Variants in RIMBP2 observed in about 807,000 individuals in gnomAD.
RIMBP2 encodes the protein RIMS-binding protein 2.
A neutral mutation model predicts 118.6 loss-of-function variants in RIMBP2; 48 were observed. The observed-to-expected ratio is 0.40, with a 90% CI of 0.32 to 0.51. The LOEUF is 0.51. Among genes scored for constraint, RIMBP2 ranks in the 20% least tolerant of loss-of-function variants. RIMBP2 has a pLI of 0.41. For synonymous variants in RIMBP2, 762 were observed against 742.9 expected (o/e 1.03, Z -0.42); for missense variants, 1,551 against 1,768.3 (o/e 0.88, Z 2.20).
chr12:130,641,894 T>C (rs1566417372), intron 1 of RIMBP2, among the ~76,000 whole-genome samples: 1 of 152,084 alleles, frequency 6.6e-6, no homozygotes, highest in Non-Finnish European at 1.5e-5. Flanking sequence ...CATCCGAGGA[T>C]GGGGTCATAC....
In RIMBP2 at chr12:130,475,243, C is replaced by A. The variant is rs1382492164; in HGVS notation, c.102+3669G>T. 1.3e-5 allele frequency among the ~76,000 whole-genome samples: 2 copies of A among 152,236 alleles called. No individual in the cohort carries two copies. The highest frequency in any genetic ancestry group is 2.9e-5 in the Non-Finnish European group (2 of 68,046). On this transcript the variant is annotated intron_variant, in intron 5 of 22. Coordinates refer to ENST00000690449, the MANE Select transcript of RIMBP2 (RefSeq NM_001393629.1). The surrounding 1 kb of genome is among the most constrained non-coding windows in gnomAD (Gnocchi z 4.1). ...TTTCCCTTTCACATGATCTTACGTG[C>A]TTCTCCCGACCGCCATGCAGGGCAG...
At chr12:130,649,522 G>A (rs557014715) in intron 1 of RIMBP2, among the ~76,000 whole-genome samples, 4 of 152,312 alleles carry the variant, frequency 2.6e-5, no homozygotes, top group East Asian at 1.9e-4. Context: ...GTGCCCCTCC[G>A]CTGAGAAGTG....
At chr12:130,634,047 G>C (rs553419650) in intron 1 of RIMBP2, among the ~76,000 whole-genome samples, 1 of 152,358 alleles carries the variant, frequency 6.6e-6, no homozygotes, top group South Asian at 2.1e-4. Flanking sequence ...CAGCACGCCT[G>C]TCATAATGAG....
At chr12:130,556,088 C>A (rs2056326449) in intron 2 of RIMBP2, among the ~76,000 whole-genome samples, 1 of 152,104 alleles carries the variant, frequency 6.6e-6, no homozygotes, top group Non-Finnish European at 1.5e-5. Context: ...AGATTCTGAC[C>A]GGGGAGTCAA....
Position 130,691,525 on chromosome 12 carries a change from A to C in RIMBP2, c.-352+24697T>G, listed in dbSNP as rs923198994. 4.6e-5 allele frequency among the ~76,000 whole-genome samples: 7 copies of C among 152,266 alleles called. No homozygotes were observed. In the South Asian group the frequency reaches 1.2e-3, roughly 27 times the overall value. ...TCTCTCCAAAAAAAATACAAAAATTAGCCGGATGTGATGGCCCACACTGGA... is the reference window on the plus strand; with the variant it reads ...TCTCTCCAAAAAAAATACAAAAATTCGCCGGATGTGATGGCCCACACTGGA... On this transcript the variant is annotated intron_variant, in intron 1 of 22. Coordinates refer to ENST00000690449, the MANE Select transcript of RIMBP2 (RefSeq NM_001393629.1).
At chr12:130,645,106 T>G (rs902248049) in intron 1 of RIMBP2, among the ~76,000 whole-genome samples, 5 of 149,520 alleles carry the variant, frequency 3.3e-5, no homozygotes, top group African/African-American at 1.3e-4. Flanking sequence ...TTTTTTTTTT[T>G]TTTGAGACAG....
chr12:130,617,319 A>T lies in RIMBP2; in HGVS notation c.-217+11003T>A, dbSNP rs1049047882. Among the ~76,000 whole-genome samples the T allele has an allele frequency of 1.6e-4, 24 of 152,156 alleles. No homozygotes were observed. Among genetic ancestry groups the T allele is most frequent in the African/African-American group, 5.1e-4 (21 of 41,436 alleles). ...AGAACCCAGGTCCATCCTCATGCAAATGGCGTCATCCCTGCCCTTTGCCTC... is the reference window on the plus strand; with the variant it reads ...AGAACCCAGGTCCATCCTCATGCAATTGGCGTCATCCCTGCCCTTTGCCTC... On this transcript the variant is annotated intron_variant, in intron 2 of 22. Coordinates refer to ENST00000690449, the MANE Select transcript of RIMBP2 (RefSeq NM_001393629.1). The surrounding 1 kb of genome is among the most constrained non-coding windows in gnomAD (Gnocchi z 4.6).
intron 4 of RIMBP2, among the ~76,000 whole-genome samples, chr12:130,489,137 T>G (rs2048389780): frequency 6.6e-6 from 1 of 152,242 alleles, no homozygotes. Context: ...CTTTCATGTC[T>G]TATATTTTAC....
chr12:130,643,343 G>C (rs1208164278), intron 1 of RIMBP2, among the ~76,000 whole-genome samples: 3 of 152,190 alleles, frequency 2.0e-5, no homozygotes, highest in Non-Finnish European at 4.4e-5. Context: ...GGAGAGGTGA[G>C]CCCCACAAGC....
At chr12:130,606,016 C>T (rs1222645419) in intron 2 of RIMBP2, among the ~76,000 whole-genome samples, 3 of 151,492 alleles carry the variant, frequency 2.0e-5, no homozygotes, top group African/African-American at 7.3e-5. Context: ...TGCAGTAAGC[C>T]GAGACCATGC....
intron 1 of RIMBP2, among the ~76,000 whole-genome samples, chr12:130,695,162 G>C (rs1593022542): frequency 6.6e-6 from 1 of 152,180 alleles, no homozygotes; most frequent in Non-Finnish European, 1.5e-5. Context: ...GTGCCACCAG[G>C]TCAGGCCCAC....
intron 1 of RIMBP2, among the ~76,000 whole-genome samples, chr12:130,633,261 T>C (rs543814441): frequency 6.6e-6 from 1 of 152,274 alleles, no homozygotes. Flanking sequence ...CTCAAAGAAT[T>C]GAAAATGTTG....
At position 130,478,946 on chromosome 12, in the gene RIMBP2, C is replaced by T. The variant is rs965233272; in HGVS notation, c.68G>A (p.Ser23Asn). 9.3e-6 allele frequency: 15 copies of T among 1,613,780 alleles called. No individual in the cohort carries two copies. Among genetic ancestry groups the T allele is most frequent in the African/African-American group, 1.3e-5 (1 of 74,930 alleles). ...AAGGTCAATTTCCTGCTGCTTGGCA[C>T]TGAGAACAGCCAGGGCCTGGTCATG... The part of the protein sequence containing the change: ...LEHDQALAVL[S>N]AKQQEIDLLQ... The change falls in exon 5 of 23, where the codon AGT (serine) becomes AAT (asparagine). Residue 23 changes from serine to asparagine, a missense_variant. Around this residue, in one of 5 missense-constraint regions of RIMBP2, gnomAD observed 239 missense variants for 256.8 expected, o/e 0.93. Coordinates refer to ENST00000690449, the MANE Select transcript of RIMBP2 (RefSeq NM_001393629.1).
intron 2 of RIMBP2, among the ~76,000 whole-genome samples, chr12:130,583,953 G>A (rs113975497): frequency 0.075 from 10,560 of 140,720 alleles, 374 homozygotes; most frequent in Non-Finnish European, 0.078. Flanking sequence ...AACCATCATC[G>A]CATCACCATC....
In RIMBP2 at chr12:130,436,883, T is replaced by A; in HGVS notation, c.2065A>T (p.Met689Leu). 1 of 1,574,832 alleles carries A rather than the reference T, an allele frequency of 6.3e-7. No individual in the cohort carries two copies. The highest frequency in any genetic ancestry group is 8.6e-7 in the Non-Finnish European group (1 of 1,162,360). Residue 689 changes from methionine to leucine, a missense_variant, in exon 13 of 23, where the codon ATG becomes TTG. Physicochemically the swap from Met to Leu is conservative, Grantham distance 15. Coordinates refer to ENST00000690449, the MANE Select transcript of RIMBP2 (RefSeq NM_001393629.1). ...ACCCTCTGCGCGGCCTCCCGGGCCATGGCCTTGGCGACGGTGGTGGACACC... is the reference window on the plus strand; with the variant it reads ...ACCCTCTGCGCGGCCTCCCGGGCCAAGGCCTTGGCGACGGTGGTGGACACC... ...TPVSTTVAKA[M>L]AREAAQRVAE... is the part of the protein sequence containing the mutation.
At chr12:130,545,641 G>A (rs1385108691) in intron 2 of RIMBP2, among the ~76,000 whole-genome samples, 4 of 152,106 alleles carry the variant, frequency 2.6e-5, no homozygotes, top group Non-Finnish European at 2.9e-5. Context: ...GACCCCAGCC[G>A]GGGTAACATG....
intron 2 of RIMBP2, among the ~76,000 whole-genome samples, chr12:130,607,551 C>A (rs2060264737): frequency 1.3e-5 from 2 of 152,054 alleles, no homozygotes; most frequent in East Asian, 3.9e-4. Context: ...ATTCATGGTG[C>A]TTTGATCATC....
chr12:130,421,723 G>T (rs1035416111), intron 17 of RIMBP2, among the ~76,000 whole-genome samples: 1 of 148,070 alleles, frequency 6.8e-6, no homozygotes, highest in Non-Finnish European at 1.5e-5. Context: ...GTGTGTGTGT[G>T]TTTTCATAGA....
At chr12:130,596,354 C>A (rs1045766460) in intron 2 of RIMBP2, among the ~76,000 whole-genome samples, 1 of 152,080 alleles carries the variant, frequency 6.6e-6, no homozygotes, top group Non-Finnish European at 1.5e-5. Context: ...CTGACAAAAC[C>A]CAGAAAGGGG....
Sources: gnomAD v4.1 joint callset for allele counts (sites outside exome capture counted in the v4.1 genomes callset) on GRCh38, gnomAD v4.1.1 for gene constraint, gnomAD v4.1.1 regional missense constraint, Gnocchi (gnomAD v3.1) non-coding constraint, MANE v1.5 for transcripts, NCBI Gene and HGNC (gene_info 2026-07-23, HGNC 2026-07-21) for gene names.